The following PTPN4 variants were observed in gnomAD, a reference collection of about 807,000 sequenced individuals.
PTPN4 encodes tyrosine-protein phosphatase non-receptor type 4.
Under a neutral mutation model 135.5 loss-of-function variants are expected in PTPN4, and 49 were observed. The ratio of observed to expected loss-of-function variants is 0.36; its 90% confidence interval spans 0.29 to 0.46. The LOEUF is 0.46. PTPN4 is among the 20% of genes least tolerant of loss of function. The pLI is 1.00. For synonymous variants in PTPN4, 333 were observed against 369.9 expected (o/e 0.90, Z 1.14); for missense variants, 860 against 1,101.0 (o/e 0.78, Z 3.10).
intron 2 of PTPN4, among the ~76,000 whole-genome samples, chr2:119,830,335 C>T (rs1306049409): frequency 6.6e-6 from 1 of 152,046 alleles, no homozygotes; most frequent in Non-Finnish European, 1.5e-5. Context: ...ATTGTAATCC[C>T]CAGTGTTGGA....
intron 1 of PTPN4, among the ~76,000 whole-genome samples, chr2:119,777,640 T>C (rs959316368): frequency 4.6e-5 from 7 of 152,146 alleles, no homozygotes; most frequent in African/African-American, 1.7e-4. Flanking sequence ...CTAATTCTGG[T>C]GTAACTAGAG....
At chr2:119,783,740 G>A (rs1690989114) in intron 1 of PTPN4, among the ~76,000 whole-genome samples, 1 of 152,208 alleles carries the variant, frequency 6.6e-6, no homozygotes, top group South Asian at 2.1e-4. Flanking sequence ...ATTGTTTTAA[G>A]AATAAGTGAC....
chr2:119,976,709 A>G (rs1177599454), intron 26 of PTPN4, among the ~76,000 whole-genome samples: 1 of 152,092 alleles, frequency 6.6e-6, no homozygotes, highest in African/African-American at 2.4e-5. Context: ...AATTAGGTTA[A>G]TTTTCTTATA....
chr2:119,977,167 A>AG lies in PTPN4; in HGVS notation c.*97_*98insG. 1 of 1,390,194 alleles carries AG rather than the reference A, an allele frequency of 7.2e-7. No homozygotes were observed. Among genetic ancestry groups the AG allele is most frequent in the Middle Eastern group, 2.2e-4 (1 of 4,580 alleles). The allele number at this position is 1,390,194 out of a possible 1,614,324, so 86.1% of individuals were successfully genotyped here. On this transcript the variant is annotated 3_prime_UTR_variant, in exon 27 of 27. Transcript: ENST00000263708. The stretch of plus-strand genomic sequence containing the variant: ...CGCAGGAAATGGCATTTTACAAAAA[A>AG]AAAATGAAGAACTCAAAAAAACTTT...
At chr2:119,880,090 G>A (rs1268253960) in intron 5 of PTPN4, 1 of 151,824 alleles carries the variant, frequency 6.6e-6, no homozygotes, top group African/African-American at 2.4e-5. Flanking sequence ...TTTACTTTTA[G>A]CAGGTGCTAG....
intron 1 of PTPN4, among the ~76,000 whole-genome samples, chr2:119,803,550 T>C (rs902555070): frequency 2.0e-5 from 3 of 152,228 alleles, no homozygotes; most frequent in Admixed American, 6.5e-5. Context: ...ATTTCAATTA[T>C]TTAAATATTT....
chr2:119,797,658 G>C (rs1691286635), intron 1 of PTPN4, among the ~76,000 whole-genome samples: 1 of 152,144 alleles, frequency 6.6e-6, no homozygotes, highest in African/African-American at 2.4e-5. Flanking sequence ...CATGTCATTT[G>C]TCTTCTATGG....
At chr2:119,838,877 T>A (rs1424887484) in intron 2 of PTPN4, among the ~76,000 whole-genome samples, 1 of 152,270 alleles carries the variant, frequency 6.6e-6, no homozygotes, top group Non-Finnish European at 1.5e-5. Flanking sequence ...ATTGTTTTAT[T>A]TAACAGCCTA....
rs1678001827 is a variant in PTPN4 at position 119,877,476 on chromosome 2, A to G, written c.302A>G (p.Tyr101Cys). 2 of 1,610,690 alleles carry G rather than the reference A, an allele frequency of 1.2e-6. No homozygotes were observed. The highest frequency in any genetic ancestry group is 1.7e-6 in the Non-Finnish European group (2 of 1,178,954). Residue 101 changes from tyrosine to cysteine, a missense_variant, in exon 5 of 27, where the codon TAC (tyrosine) becomes TGC (cysteine). Transcript: ENST00000263708. ...TTATTAATTCTAGGAGGATCTCCTTACAGTTTGAACTTTAGAGTCAAATTT... is the reference window on the plus strand; with the variant it reads ...TTATTAATTCTAGGAGGATCTCCTTGCAGTTTGAACTTTAGAGTCAAATTT... ...IRKQLKRGSP[Y>C]SLNFRVKFFV...
chr2:119,804,491 C>A (rs1691432381), intron 1 of PTPN4, among the ~76,000 whole-genome samples: 1 of 152,188 alleles, frequency 6.6e-6, no homozygotes, highest in Non-Finnish European at 1.5e-5. Flanking sequence ...CAAGTGTTCT[C>A]ATTGTTCATT....
At chr2:119,802,981 G>A (rs1321662870) in intron 1 of PTPN4, among the ~76,000 whole-genome samples, 1 of 152,144 alleles carries the variant, frequency 6.6e-6, no homozygotes, top group Non-Finnish European at 1.5e-5. Context: ...ATGTCAAATT[G>A]ATGTATAAGT....
intron 15 of PTPN4, among the ~76,000 whole-genome samples, chr2:119,938,368 C>G (rs1335950945): frequency 6.6e-6 from 1 of 151,938 alleles, no homozygotes; most frequent in Non-Finnish European, 1.5e-5. Context: ...ACCTTGTGAT[C>G]CACCCACCTC....
In PTPN4 at chr2:119,793,991, G is replaced by A. The variant is rs151021756; in HGVS notation, c.-17-15846G>A. Among the ~76,000 whole-genome samples, 182 of 151,248 alleles carry A rather than the reference G, an allele frequency of 1.2e-3. 1 individual carries two copies. The highest frequency in any genetic ancestry group is 4.1e-3 in the African/African-American group (171 of 41,206). On this transcript the variant is annotated intron_variant, in intron 1 of 26. Transcript: ENST00000263708. ...CTATCTCAACTGGGATTACAGGTGCGTGCCACCATGCCTAGCTAATTTTTG... is the reference window on the plus strand; with the variant it reads ...CTATCTCAACTGGGATTACAGGTGCATGCCACCATGCCTAGCTAATTTTTG...
chr2:119,962,054 T>C (rs1413498440), intron 23 of PTPN4, among the ~76,000 whole-genome samples: 1 of 152,178 alleles, frequency 6.6e-6, no homozygotes, highest in Non-Finnish European at 1.5e-5. Flanking sequence ...GTACATGAAT[T>C]ACTTGTCATT....
rs2104943444 is a variant in PTPN4, at chr2:119,802,863, T to C, written c.-17-6974T>C. 2.6e-5 allele frequency among the ~76,000 whole-genome samples: 4 copies of C among 152,326 alleles called. No homozygotes were observed. In the Middle Eastern group the frequency reaches 0.014, roughly 518 times the overall value. ...TTTGAATATTCTGTTGGGGGAGTTT[T>C]AGAATTACGAATTTGATTTTTAAAA... is the stretch of plus-strand genomic sequence containing the variant. On this transcript the variant is annotated intron_variant, in intron 1 of 26. Transcript: ENST00000263708.
intron 2 of PTPN4, among the ~76,000 whole-genome samples, chr2:119,858,904 G>A (rs1315444353): frequency 1.3e-5 from 2 of 152,226 alleles, no homozygotes; most frequent in East Asian, 1.9e-4. Flanking sequence ...AAAGTGCTGG[G>A]ATTACAGGTG....
intron 8 of PTPN4, among the ~76,000 whole-genome samples, chr2:119,884,007 C>T (rs1678118408): frequency 6.6e-6 from 1 of 152,226 alleles, no homozygotes; most frequent in South Asian, 2.1e-4. Context: ...TCATGCCATT[C>T]TCCTGCCTCA....
At chr2:119,931,955 TG>T (rs1678913016) in intron 13 of PTPN4, among the ~76,000 whole-genome samples, 1 of 152,208 alleles carries the variant, frequency 6.6e-6, no homozygotes, top group Non-Finnish European at 1.5e-5. Context: ...TAATTATTTT[TG>T]TTCTGTCTTC....
chr2:119,861,144 A>C (rs774190156), intron 2 of PTPN4, among the ~76,000 whole-genome samples: 6 of 152,098 alleles, frequency 3.9e-5, no homozygotes, highest in African/African-American at 9.7e-5. Context: ...AACATGACAG[A>C]GAAGCAGAAG....
Sources: allele counts gnomAD v4.1 joint callset (sites outside exome capture counted in the v4.1 genomes callset), GRCh38; gene constraint gnomAD v4.1.1; transcripts MANE v1.5; gene names NCBI Gene and HGNC (gene_info 2026-07-23, HGNC 2026-07-21).